RAI1: variants seen among roughly 807,000 people sequenced by gnomAD.
RAI1 encodes the protein retinoic acid induced 1, also known as retinoic acid-induced protein 1.
In RAI1, 9 loss-of-function variants were observed where a neutral mutation model predicts 123.8. The ratio of observed to expected loss-of-function variants is 0.07; its 90% CI spans 0.04 to 0.13. The LOEUF (loss-of-function observed/expected upper bound fraction) is 0.13. Among genes scored for constraint, RAI1 ranks in the 10% least tolerant of loss-of-function variants. The pLI is 1.00. For missense variants in RAI1, 2,256 were observed against 2,545.8 expected, an observed-to-expected ratio of 0.89 and a Z score of 2.45; for synonymous variants, 1,231 against 1,127.3, an observed-to-expected ratio of 1.09 and a Z score of -1.84.
At position 17,795,077 on chromosome 17, in the gene RAI1, C is replaced by T. The variant is rs2032180439; in HGVS notation, c.2129C>T (p.Thr710Ile). The T allele has an allele frequency of 6.2e-7, 1 of 1,614,050 alleles. No homozygotes were observed. The highest frequency in any genetic ancestry group is 1.3e-5 in the African/African-American group (1 of 74,946). Reference sequence around the variant, plus strand: ...ACAACTGGTCCTCTCTCCTTTGGTACCAAGCCCACCCTTGGGGTTCCTGCT... The same window carrying T: ...ACAACTGGTCCTCTCTCCTTTGGTATCAAGCCCACCCTTGGGGTTCCTGCT... ...KKTTGPLSFG[T>I]KPTLGVPAPD... Residue 710 changes from threonine (T) to isoleucine (I), a missense_variant, in exon 3 of 6, where the codon ACC (threonine) becomes ATC (isoleucine). Coordinates refer to ENST00000353383, the MANE Select transcript of RAI1 (RefSeq NM_030665.4). The surrounding 1 kb of genome is among the most constrained non-coding windows in gnomAD (Gnocchi z 5.9).
At chr17:17,734,978 C>T (rs1453833704) in intron 2 of RAI1, among the ~76,000 whole-genome samples, 2 of 152,312 alleles carry the variant, frequency 1.3e-5, no homozygotes, top group Middle Eastern at 3.4e-3. Flanking sequence ...ATGGGCTTTG[C>T]ACCTCCAGAG....
chr17:17,797,969 C>T lies in RAI1; in HGVS notation c.5021C>T (p.Pro1674Leu), dbSNP rs2143003344. ...LPLSSTMHLGPVVSKALSTSC... is the reference protein window; with the variant it reads ...LPLSSTMHLGLVVSKALSTSC... ...CTCTCCTCCACGATGCACTTGGGGC[C>T]TGTGGTTTCCAAGGCCCTGAGTACC... The change falls in exon 3 of 6, where the codon CCT becomes CTT. Residue 1674 changes from proline to leucine, a missense_variant. Physicochemically the swap from Pro to Leu is moderately conservative, Grantham distance 98. Transcript: ENST00000353383. 6.2e-7 allele frequency: 1 copy of T among 1,614,110 alleles called. No homozygotes were observed. The highest frequency in any genetic ancestry group is 1.1e-5 in the South Asian group (1 of 91,082).
chr17:17,721,394 T>C (rs990222872), intron 1 of RAI1, among the ~76,000 whole-genome samples: 3 of 152,160 alleles, frequency 2.0e-5, no homozygotes, highest in African/African-American at 7.2e-5. Flanking sequence ...TACCTAAATA[T>C]GTAAATTACA....
chr17:17,779,066 A>T (rs1363943857), intron 2 of RAI1: 1 of 366,980 alleles, frequency 2.7e-6, no homozygotes, highest in East Asian at 7.4e-5. Flanking sequence ...TTACTCTTAA[A>T]CACCTTCGCA....
intron 2 of RAI1, among the ~76,000 whole-genome samples, chr17:17,766,487 C>T (rs1181367661): frequency 6.6e-6 from 1 of 152,212 alleles, no homozygotes; most frequent in Non-Finnish European, 1.5e-5. Context: ...GTAAGCTCTT[C>T]TCAGGCCAGA....
intron 2 of RAI1, among the ~76,000 whole-genome samples, chr17:17,781,602 G>C (rs960121508): frequency 2.6e-5 from 4 of 152,298 alleles, no homozygotes; most frequent in African/African-American, 7.2e-5. Context: ...GAGGGGTCTG[G>C]GTGAGTCTAA....
chr17:17,724,743 G>C (rs1410457175), intron 2 of RAI1, among the ~76,000 whole-genome samples: 1 of 152,084 alleles, frequency 6.6e-6, no homozygotes, highest in Non-Finnish European at 1.5e-5. Context: ...GCCTCCAGGC[G>C]CTTCCTCGGG....
intron 1 of RAI1, among the ~76,000 whole-genome samples, chr17:17,709,691 A>G (rs756864288): frequency 6.6e-6 from 1 of 151,920 alleles, no homozygotes; most frequent in Non-Finnish European, 1.5e-5. Flanking sequence ...GGGAGGGGGA[A>G]CCCCAGCACT....
At chr17:17,723,512 C>T (rs907514927) in intron 1 of RAI1, among the ~76,000 whole-genome samples, 20 of 151,856 alleles carry the variant, frequency 1.3e-4, no homozygotes, top group Non-Finnish European at 1.2e-4. Flanking sequence ...TTGACATACA[C>T]ACGCCTGCGC....
chr17:17,751,531 AG>A (rs2030170000), intron 2 of RAI1, among the ~76,000 whole-genome samples: 1 of 152,216 alleles, frequency 6.6e-6, no homozygotes, highest in Non-Finnish European at 1.5e-5. Flanking sequence ...GAAGGTGAGG[AG>A]GGAAAGTGAA....
At chr17:17,753,635 C>A (rs1298189652) in intron 2 of RAI1, among the ~76,000 whole-genome samples, 1 of 152,226 alleles carries the variant, frequency 6.6e-6, no homozygotes, top group Non-Finnish European at 1.5e-5. Flanking sequence ...GGAGCAGATT[C>A]CTGGGCTCAG....
chr17:17,760,950 C>A (rs565164703), intron 2 of RAI1, among the ~76,000 whole-genome samples: 1 of 152,332 alleles, frequency 6.6e-6, no homozygotes, highest in East Asian at 1.9e-4. Flanking sequence ...CGCAGATTAC[C>A]CCCTTGCCAA....
chr17:17,794,481 G>A lies in RAI1; in HGVS notation c.1533G>A (p.Glu511=). The A allele has an allele frequency of 6.2e-7, 1 of 1,611,836 alleles. No individual in the cohort carries two copies. The highest frequency in any genetic ancestry group is 1.1e-5 in the South Asian group (1 of 91,032). The change falls in exon 3 of 6, where the codon GAG becomes GAA. Residue 511 remains glutamate, a synonymous_variant. Coordinates refer to ENST00000353383, the MANE Select transcript of RAI1 (RefSeq NM_030665.4). ...GCACGCCACAGTCCACGCATGCGGA[G>A]CCGCAGGAGGCCGACTACCTGAGCG... ...PSSTPQSTHA[E]PQEADYLSGS...
At position 17,810,847 on chromosome 17, in the gene RAI1, C is replaced by T; in HGVS notation, c.*866C>T. 1 of 451,796 alleles carries T rather than the reference C, an allele frequency of 2.2e-6. No homozygotes were observed. The highest frequency in any genetic ancestry group is 3.3e-4 in the Middle Eastern group (1 of 3,062). The allele number at this position is 451,796 out of a possible 1,614,324, so 28.0% of individuals were successfully genotyped here. ...CGTTGTGCACCACCAGGGACCGCCG[C>T]GCCTACTCTGCACGGGAGCAGGGAC... On this transcript the variant is annotated 3_prime_UTR_variant, in exon 6 of 6. Coordinates refer to ENST00000353383, the MANE Select transcript of RAI1 (RefSeq NM_030665.4). This position sits in a 1 kb window ranked among gnomAD's most constrained non-coding sequence, Gnocchi z 4.6.
At chr17:17,761,177 C>T (rs923541548) in intron 2 of RAI1, among the ~76,000 whole-genome samples, 6 of 152,028 alleles carry the variant, frequency 3.9e-5, no homozygotes, top group Non-Finnish European at 7.4e-5. Context: ...AAGAGGCGAC[C>T]CATATGTGAG....
chr17:17,781,000 A>G (rs535085006), intron 2 of RAI1, among the ~76,000 whole-genome samples: 1 of 152,154 alleles, frequency 6.6e-6, no homozygotes, highest in Admixed American at 6.5e-5. Flanking sequence ...CCCTCCCAGG[A>G]GCTAGGAACC....
intron 2 of RAI1, among the ~76,000 whole-genome samples, chr17:17,742,851 G>A (rs1321406113): frequency 1.3e-5 from 2 of 152,242 alleles, no homozygotes; most frequent in East Asian, 1.9e-4. Flanking sequence ...AGATCTGGAT[G>A]TGGTTCAGAC....
chr17:17,749,888 T>C (rs568335469), intron 2 of RAI1, among the ~76,000 whole-genome samples: 1 of 152,316 alleles, frequency 6.6e-6, no homozygotes, highest in East Asian at 1.9e-4. Flanking sequence ...AATGAGCAAA[T>C]GAGTGAATGG....
At chr17:17,739,707 A>G (rs1047273178) in intron 2 of RAI1, among the ~76,000 whole-genome samples, 1 of 151,856 alleles carries the variant, frequency 6.6e-6, no homozygotes, top group African/African-American at 2.4e-5. Flanking sequence ...CTCCTTGGGG[A>G]TTTTGAGGTC....
Sources: allele counts gnomAD v4.1 joint callset (sites outside exome capture counted in the v4.1 genomes callset), GRCh38; gene constraint gnomAD v4.1.1; non-coding constraint Gnocchi (gnomAD v3.1); transcripts MANE v1.5; gene names NCBI Gene and HGNC (gene_info 2026-07-23, HGNC 2026-07-21).